LCORL: variants seen among roughly 807,000 people sequenced by gnomAD.
The protein encoded by LCORL is ligand-dependent nuclear receptor corepressor-like protein.
A neutral mutation model predicts 141.8 loss-of-function variants in LCORL; 41 were observed. The ratio of observed to expected loss-of-function variants is 0.29; its 90% CI spans 0.23 to 0.38. The LOEUF (loss-of-function observed/expected upper bound fraction) is 0.38, where lower values mean the gene tolerates loss of function less well. Ranked by LOEUF, LCORL falls within the 10% of genes least tolerant of loss-of-function variation. The pLI is 1.00. For synonymous variants in LCORL, 618 were observed against 694.1 expected (o/e 0.89, Z 1.72); for missense variants, 1,759 against 2,035.0 (o/e 0.86, Z 2.61).
chr4:17,983,251 C>CT (rs993886029), intron 1 of LCORL, among the ~76,000 whole-genome samples: 1 of 151,972 alleles, frequency 6.6e-6, no homozygotes, highest in Non-Finnish European at 1.5e-5. Flanking sequence ...TATTCAGGCT[C>CT]TTTTTTGGTT....
At chr4:17,952,974 T>A (rs1360009903) in intron 4 of LCORL, among the ~76,000 whole-genome samples, 1 of 152,100 alleles carries the variant, frequency 6.6e-6, no homozygotes, top group Non-Finnish European at 1.5e-5. Context: ...TTCCCACTTA[T>A]AAGTGAGAAC....
intron 5 of LCORL, among the ~76,000 whole-genome samples, chr4:17,902,505 T>A (rs530539503): frequency 6.6e-6 from 1 of 152,284 alleles, no homozygotes; most frequent in Non-Finnish European, 1.5e-5. Context: ...ACATAGAAAT[T>A]TTTTTGAACT....
At position 17,882,899 on chromosome 4, in the gene LCORL, C is replaced by T. The variant is rs1727765521; in HGVS notation, c.776+3169G>A. On this transcript the variant is annotated intron_variant, in intron 6 of 7. Coordinates refer to ENST00000635767, the Ensembl canonical transcript of LCORL. ...TCCAACTTTCTTTTCTAACCTTACACATTAGCTTATTTTTCAAATGAAAAA... is the reference window on the plus strand; with the variant it reads ...TCCAACTTTCTTTTCTAACCTTACATATTAGCTTATTTTTCAAATGAAAAA... 8 of 961,906 alleles carry T rather than the reference C, an allele frequency of 8.3e-6. No individual in the cohort carries two copies. In the South Asian group the frequency reaches 3.8e-4, roughly 46 times the overall value. The allele number at this position is 961,906 out of a possible 1,614,324, so 59.6% of individuals were successfully genotyped here.
At chr4:17,982,642 G>T (rs1240761321) in intron 1 of LCORL, among the ~76,000 whole-genome samples, 1 of 152,012 alleles carries the variant, frequency 6.6e-6, no homozygotes. Context: ...GTAAATTTAA[G>T]TAAGTTCCCT....
intron 7 of LCORL, among the ~76,000 whole-genome samples, chr4:17,846,866 T>C (rs901644243): frequency 2.6e-5 from 4 of 152,188 alleles, no homozygotes; most frequent in Non-Finnish European, 5.9e-5. Context: ...TTGTGAACTA[T>C]TTGGGGTTCT....
rs566927339 is a variant in LCORL, at chr4:17,980,696, A to G, written c.155-7811T>C. ...GGTTGATTCAGAGCAGGAGTCCCCA[A>G]TCCCCAGGGCCATGGACCAGTACCA... On this transcript the variant is annotated intron_variant, in intron 1 of 7. Coordinates refer to ENST00000635767, the Ensembl canonical transcript of LCORL. Among the ~76,000 whole-genome samples the G allele has an allele frequency of 6.6e-5, 10 of 152,252 alleles. No individual in the cohort carries two copies. The East Asian group carries it at 7.7e-4, about 12-fold the overall frequency.
exon 8 of LCORL, chr4:17,843,248 T>C: frequency 6.4e-7 from 1 of 1,558,988 alleles, no homozygotes; most frequent in Non-Finnish European, 8.7e-7. Flanking sequence ...TATTTATAAA[T>C]AAACTGGTTT....
chr4:17,998,139 T>C (rs1226303053), intron 1 of LCORL, among the ~76,000 whole-genome samples: 2 of 152,132 alleles, frequency 1.3e-5, no homozygotes, highest in Admixed American at 6.5e-5. Context: ...AATAAAAATA[T>C]GGTATAAAAG....
chr4:17,911,700 C>T (rs558207641), intron 4 of LCORL: 1 of 503,290 alleles, frequency 2.0e-6, no homozygotes, highest in East Asian at 5.4e-5. Context: ...GCTCCACCTT[C>T]TCCACCAGCT....
intron 1 of LCORL, among the ~76,000 whole-genome samples, chr4:18,016,314 G>A (rs1461617111): frequency 6.6e-6 from 1 of 152,126 alleles, no homozygotes; most frequent in African/African-American, 2.4e-5. Flanking sequence ...TAAGCTATTT[G>A]ACCACACTGC....
chr4:18,012,871 C>T (rs551934092), intron 1 of LCORL, among the ~76,000 whole-genome samples: 7 of 152,274 alleles, frequency 4.6e-5, no homozygotes, highest in South Asian at 2.1e-4. Context: ...TAAATGGTAA[C>T]GCCCATCTAA....
At chr4:17,856,578 A>G (rs1724391522) in intron 7 of LCORL, among the ~76,000 whole-genome samples, 1 of 152,094 alleles carries the variant, frequency 6.6e-6, no homozygotes, top group South Asian at 2.1e-4. Context: ...AGACTAAAGC[A>G]CCCTCTTTCA....
intron 6 of LCORL, chr4:17,880,612 TTTTC>T (rs1218800991): frequency 9.2e-6 from 9 of 981,372 alleles, no homozygotes; most frequent in Admixed American, 6.2e-5. Context: ...TTTTCTTTTC[TTTTC>T]TTTTTTTCTT....
At chr4:17,857,080 G>A (rs1203825863) in intron 7 of LCORL, among the ~76,000 whole-genome samples, 1 of 152,202 alleles carries the variant, frequency 6.6e-6, no homozygotes, top group Admixed American at 6.5e-5. Context: ...TTCTGGCCAT[G>A]ATGAAGTAAC....
At chr4:17,963,385 C>T (rs1398758995) in intron 2 of LCORL, among the ~76,000 whole-genome samples, 3 of 151,786 alleles carry the variant, frequency 2.0e-5, no homozygotes, top group African/African-American at 7.3e-5. Context: ...TGAAAGGAAT[C>T]AGAACAAAGG....
intron 1 of LCORL, among the ~76,000 whole-genome samples, chr4:17,980,527 A>G (rs1387479750): frequency 6.6e-6 from 1 of 152,236 alleles, no homozygotes; most frequent in East Asian, 1.9e-4. Flanking sequence ...TGGTACTCAC[A>G]AAGACTTCGA....
At chr4:18,010,686 A>T (rs548243321) in intron 1 of LCORL, among the ~76,000 whole-genome samples, 1 of 152,252 alleles carries the variant, frequency 6.6e-6, no homozygotes, top group Admixed American at 6.5e-5. Context: ...TCCTGACCTC[A>T]TATGATCTGC....
intron 4 of LCORL, among the ~76,000 whole-genome samples, chr4:17,950,414 T>C (rs17460323): frequency 0.12 from 18,427 of 152,192 alleles, 1,491 homozygotes; most frequent in Non-Finnish European, 0.18. Flanking sequence ...ACGCAGCCTA[T>C]AGACAAAGGA....
intron 4 of LCORL, among the ~76,000 whole-genome samples, chr4:17,913,389 G>A (rs577796996): frequency 1.3e-5 from 2 of 152,226 alleles, no homozygotes; most frequent in African/African-American, 2.4e-5. Context: ...ATGAAACACG[G>A]CTTTACCAAT....
Sources: allele counts gnomAD v4.1 joint callset (sites outside exome capture counted in the v4.1 genomes callset), GRCh38; gene constraint gnomAD v4.1.1; transcripts MANE v1.5; gene names NCBI Gene and HGNC (gene_info 2026-07-23, HGNC 2026-07-21).